OR7C2: variants seen among roughly 807,000 people sequenced by gnomAD.
OR7C2 encodes the protein olfactory receptor 7C2.
For missense variants in OR7C2, 374 were observed against 387.4 expected, an observed-to-expected ratio of 0.97 and a Z score of 0.29; for synonymous variants, 160 against 157.7, an observed-to-expected ratio of 1.01 and a Z score of -0.11.
At position 14,942,364 on chromosome 19, in the gene OR7C2, G is replaced by A. The variant is rs984612879; in HGVS notation, c.876G>A (p.Arg292=). 6 of 1,614,148 alleles carry A rather than the reference G, an allele frequency of 3.7e-6. No homozygotes were observed. Among genetic ancestry groups the A allele is most frequent in the Non-Finnish European group, 5.1e-6 (6 of 1,180,026 alleles). Residue 292 remains arginine, a synonymous_variant, in exon 1 of 1, where the codon AGG becomes AGA. Coordinates refer to ENST00000248072, the MANE Select transcript of OR7C2 (RefSeq NM_012377.1). ...TGAACCCCTTCATCTACAGCCTGAG[G>A]AACAAGGACATGAAGGGGTCACTGG... is the stretch of plus-strand genomic sequence containing the variant. The part of the protein sequence containing the change: ...PMLNPFIYSL[R]NKDMKGSLGR...
In OR7C2 at chr19:14,942,387, T is replaced by C; in HGVS notation, c.899T>C (p.Leu300Pro). The C allele has an allele frequency of 6.2e-7, 1 of 1,614,152 alleles. No homozygotes were observed. The highest frequency in any genetic ancestry group is 8.5e-7 in the Non-Finnish European group (1 of 1,179,990). ...SLRNKDMKGS[L>P]GRLLLRATSL... ...AGGAACAAGGACATGAAGGGGTCACTGGGGAGACTCCTCCTCAGGGCAACG... is the reference window on the plus strand; with the variant it reads ...AGGAACAAGGACATGAAGGGGTCACCGGGGAGACTCCTCCTCAGGGCAACG... Residue 300 changes from leucine (L) to proline (P), a missense_variant, in exon 1 of 1, where the codon CTG becomes CCG. By Grantham distance (98) the Leu-to-Pro change is moderately conservative. Transcript: ENST00000248072.
chr19:14,941,986 G>A lies in OR7C2; in HGVS notation c.498G>A (p.Leu166=), dbSNP rs754059457. The A allele has an allele frequency of 1.9e-6, 3 of 1,614,118 alleles. No individual in the cohort carries two copies. The highest frequency in any genetic ancestry group is 4.5e-5 in the East Asian group (2 of 44,876). The change falls in exon 1 of 1, where the codon CTG becomes CTA. Residue 166 remains leucine (L), a synonymous_variant. Transcript: ENST00000248072. ...TTGAGACCTTGACCATTTTGAGGCT[G>A]TCCTTCTGCACAAATATGGAAATTC... ...SLLETLTILR[L]SFCTNMEIPH...
rs1355425409 is a variant in OR7C2, at chr19:14,942,101, G to C, written c.613G>C (p.Val205Leu). 3 of 1,613,936 alleles carry C rather than the reference G, an allele frequency of 1.9e-6. No individual in the cohort carries two copies. The highest frequency in any genetic ancestry group is 2.5e-6 in the Non-Finnish European group (3 of 1,180,036). ...NNIVMYFVTI[V>L]LGVFPLCGIL... ...CATCGTGATGTATTTTGTGACCATTGTCCTGGGTGTTTTTCCTCTCTGTGG... is the reference window on the plus strand; with the variant it reads ...CATCGTGATGTATTTTGTGACCATTCTCCTGGGTGTTTTTCCTCTCTGTGG... The change falls in exon 1 of 1, where the codon GTC becomes CTC. Residue 205 changes from valine to leucine, a missense_variant. Coordinates refer to ENST00000248072, the MANE Select transcript of OR7C2 (RefSeq NM_012377.1).
Position 14,941,955 on chromosome 19 carries a change from C to T in OR7C2, c.467C>T (p.Ser156Phe), listed in dbSNP as rs867537184. ...LGSWCISVMG[S>F]LLETLTILRL... ...TCCTGGTGCATCAGTGTCATGGGTTCCTTGCTTGAGACCTTGACCATTTTG... is the reference window on the plus strand; with the variant it reads ...TCCTGGTGCATCAGTGTCATGGGTTTCTTGCTTGAGACCTTGACCATTTTG... The change falls in exon 1 of 1, where the codon TCC becomes TTC. Residue 156 changes from serine to phenylalanine, a missense_variant. By Grantham distance (155) the Ser-to-Phe change is radical. Coordinates refer to ENST00000248072, the MANE Select transcript of OR7C2 (RefSeq NM_012377.1). The T allele has an allele frequency of 1.2e-6, 2 of 1,614,068 alleles. No homozygotes were observed. Among genetic ancestry groups the T allele is most frequent in the Admixed American group, 1.7e-5 (1 of 60,000 alleles).
rs2045356232 is a variant in OR7C2 at position 14,942,442 on chromosome 19, C to G, written c.954C>G (p.Leu318=). 1.2e-6 allele frequency: 2 copies of G among 1,607,928 alleles called. No homozygotes were observed. Among genetic ancestry groups the G allele is most frequent in the Non-Finnish European group, 1.7e-6 (2 of 1,177,302 alleles). Residue 318 remains leucine, a synonymous_variant, in exon 1 of 1, where the codon CTC becomes CTG. Transcript: ENST00000248072. ...TSLKEGTIAK[L]S is the part of the protein sequence containing the mutation. ...TCAAAGAGGGGACCATTGCTAAGCTCTCATGAATTGCAGTGAACACAATAC... is the reference window on the plus strand; with the variant it reads ...TCAAAGAGGGGACCATTGCTAAGCTGTCATGAATTGCAGTGAACACAATAC...
At position 14,942,240 on chromosome 19, in the gene OR7C2, A is replaced by C; in HGVS notation, c.752A>C (p.Tyr251Ser). The change falls in exon 1 of 1, where the codon TAT becomes TCT. Residue 251 changes from tyrosine to serine, a missense_variant. Physicochemically the swap from Tyr to Ser is moderately radical, Grantham distance 144. Transcript: ENST00000248072. The part of the protein sequence containing the change: ...GSHLSVVSLF[Y>S]GTGLGVYLSS... ...CACCTCTCAGTGGTCAGCTTGTTCTATGGCACTGGCCTTGGGGTCTATCTC... is the reference window on the plus strand; with the variant it reads ...CACCTCTCAGTGGTCAGCTTGTTCTCTGGCACTGGCCTTGGGGTCTATCTC... 1 of 1,614,050 alleles carries C rather than the reference A, an allele frequency of 6.2e-7. No individual in the cohort carries two copies.
Position 14,941,980 on chromosome 19 carries a change from G to A in OR7C2, c.492G>A (p.Leu164=). The A allele has an allele frequency of 6.2e-7, 1 of 1,614,106 alleles. No homozygotes were observed. The highest frequency in any genetic ancestry group is 8.5e-7 in the Non-Finnish European group (1 of 1,180,028). Residue 164 remains leucine (L), a synonymous_variant, in exon 1 of 1, where the codon TTG becomes TTA. Transcript: ENST00000248072. ...CCTTGCTTGAGACCTTGACCATTTT[G>A]AGGCTGTCCTTCTGCACAAATATGG... ...MGSLLETLTI[L]RLSFCTNMEI...
rs1308016337 is a variant in OR7C2 at position 14,942,078 on chromosome 19, T to A, written c.590T>A (p.Ile197Asn). ...TGTTCTGACACCTTCATCAATAACA[T>A]CGTGATGTATTTTGTGACCATTGTC... is the stretch of plus-strand genomic sequence containing the variant. Reference protein sequence around the residue: ...LACSDTFINNIVMYFVTIVLG... With the variant: ...LACSDTFINNNVMYFVTIVLG... Residue 197 changes from isoleucine (I) to asparagine (N), a missense_variant, in exon 1 of 1, where the codon ATC (isoleucine) becomes AAC (asparagine). Ile to Asn is a moderately radical substitution (Grantham distance 149). Coordinates refer to ENST00000248072, the MANE Select transcript of OR7C2 (RefSeq NM_012377.1). 1 of 1,614,010 alleles carries A rather than the reference T, an allele frequency of 6.2e-7. No homozygotes were observed. Among genetic ancestry groups the A allele is most frequent in the East Asian group, 2.2e-5 (1 of 44,890 alleles).
At position 14,941,614 on chromosome 19, in the gene OR7C2, C is replaced by T; in HGVS notation, c.126C>T (p.Asn42=). 8.1e-6 allele frequency: 13 copies of T among 1,614,112 alleles called. No homozygotes were observed. Among genetic ancestry groups the T allele is most frequent in the Non-Finnish European group, 1.0e-5 (12 of 1,180,022 alleles). Residue 42 remains asparagine (N), a synonymous_variant, in exon 1 of 1, where the codon AAC becomes AAT. Transcript: ENST00000248072. The part of the protein sequence containing the change: ...LSMYLVTIIG[N]LLIILTISSD... ...TGTACCTGGTTACCATCATCGGAAA[C>T]CTGCTCATCATCCTGACCATCAGTT...
In OR7C2 at chr19:14,941,932, C is replaced by T. The variant is rs116715975; in HGVS notation, c.444C>T (p.Ser148=). ...PRLCGLLVLG[S]WCISVMGSLL... ...TCTGTGGACTGCTGGTTCTGGGGTC[C>T]TGGTGCATCAGTGTCATGGGTTCCT... Residue 148 remains serine, a synonymous_variant, in exon 1 of 1, where the codon TCC becomes TCT. Coordinates refer to ENST00000248072, the MANE Select transcript of OR7C2 (RefSeq NM_012377.1). 432 of 1,614,130 alleles carry T rather than the reference C, an allele frequency of 2.7e-4. No homozygotes were observed. In the African/African-American group the frequency reaches 3.3e-3, roughly 12 times the overall value.
At position 14,941,701 on chromosome 19, in the gene OR7C2, C is replaced by G; in HGVS notation, c.213C>G (p.Ile71Met). The G allele has an allele frequency of 6.2e-7, 1 of 1,614,202 alleles. No individual in the cohort carries two copies. The highest frequency in any genetic ancestry group is 8.5e-7 in the Non-Finnish European group (1 of 1,180,052). Reference protein sequence around the residue: ...FFLSNLSFADICFTSTTVPKM... With the variant: ...FFLSNLSFADMCFTSTTVPKM... ...TCTCCAACCTGTCCTTTGCTGACAT[C>G]TGTTTCACATCCACGACTGTCCCAA... is the stretch of plus-strand genomic sequence containing the variant. The change falls in exon 1 of 1, where the codon ATC becomes ATG. Residue 71 changes from isoleucine (I) to methionine (M), a missense_variant. Transcript: ENST00000248072.
chr19:14,942,108 G>C lies in OR7C2; in HGVS notation c.620G>C (p.Gly207Ala), dbSNP rs768258775. ...IVMYFVTIVL[G>A]VFPLCGILFS... ...ATGTATTTTGTGACCATTGTCCTGGGTGTTTTTCCTCTCTGTGGAATCCTA... is the reference window on the plus strand; with the variant it reads ...ATGTATTTTGTGACCATTGTCCTGGCTGTTTTTCCTCTCTGTGGAATCCTA... Residue 207 changes from glycine (G) to alanine (A), a missense_variant, in exon 1 of 1, where the codon GGT (glycine) becomes GCT (alanine). Gly to Ala is a moderately conservative substitution (Grantham distance 60). Transcript: ENST00000248072. 5.0e-6 allele frequency: 8 copies of C among 1,613,958 alleles called. No individual in the cohort carries two copies. The highest frequency in any genetic ancestry group is 6.8e-6 in the Non-Finnish European group (8 of 1,180,036).
At position 14,942,428 on chromosome 19, in the gene OR7C2, A is replaced by G; in HGVS notation, c.940A>G (p.Thr314Ala). ...CAGGGCAACGTCTCTCAAAGAGGGG[A>G]CCATTGCTAAGCTCTCATGAATTGC... ...LLRATSLKEG[T>A]IAKLS is the part of the protein sequence containing the mutation. The change falls in exon 1 of 1, where the codon ACC becomes GCC. Residue 314 changes from threonine to alanine, a missense_variant. Thr to Ala is a moderately conservative substitution (Grantham distance 58). Coordinates refer to ENST00000248072, the MANE Select transcript of OR7C2 (RefSeq NM_012377.1). 6.2e-7 allele frequency: 1 copy of G among 1,612,144 alleles called. No individual in the cohort carries two copies. Among genetic ancestry groups the G allele is most frequent in the Non-Finnish European group, 8.5e-7 (1 of 1,179,072 alleles).
Position 14,942,439 on chromosome 19 carries a change from G to A in OR7C2, c.951G>A (p.Lys317=). 1 of 1,609,444 alleles carries A rather than the reference G, an allele frequency of 6.2e-7. No individual in the cohort carries two copies. Among genetic ancestry groups the A allele is most frequent in the Non-Finnish European group, 8.5e-7 (1 of 1,177,900 alleles). The change falls in exon 1 of 1, where the codon AAG becomes AAA. Residue 317 remains lysine (K), a synonymous_variant. Coordinates refer to ENST00000248072, the MANE Select transcript of OR7C2 (RefSeq NM_012377.1). Reference sequence around the variant, plus strand: ...CTCTCAAAGAGGGGACCATTGCTAAGCTCTCATGAATTGCAGTGAACACAA... The same window carrying A: ...CTCTCAAAGAGGGGACCATTGCTAAACTCTCATGAATTGCAGTGAACACAA... ...ATSLKEGTIA[K]LS is the part of the protein sequence containing the mutation.
Position 14,942,353 on chromosome 19 carries a change from T to A in OR7C2, c.865T>A (p.Tyr289Asn). The change falls in exon 1 of 1, where the codon TAC (tyrosine) becomes AAC (asparagine). Residue 289 changes from tyrosine (Y) to asparagine (N), a missense_variant. Coordinates refer to ENST00000248072, the MANE Select transcript of OR7C2 (RefSeq NM_012377.1). Reference protein sequence around the residue: ...MVTPMLNPFIYSLRNKDMKGS... With the variant: ...MVTPMLNPFINSLRNKDMKGS... ...CACCCCCATGCTGAACCCCTTCATC[T>A]ACAGCCTGAGGAACAAGGACATGAA... 1 of 1,614,162 alleles carries A rather than the reference T, an allele frequency of 6.2e-7. No individual in the cohort carries two copies. The highest frequency in any genetic ancestry group is 8.5e-7 in the Non-Finnish European group (1 of 1,180,024).
At position 14,941,817 on chromosome 19, in the gene OR7C2, T is replaced by C. The variant is rs756290830; in HGVS notation, c.329T>C (p.Leu110Pro). ...QIFFFIAFGC[L>P]DNLLLTMTAY... ...TTTTTTTTCATTGCATTTGGATGCC[T>C]GGACAATTTGCTCCTGACCATGACG... is the stretch of plus-strand genomic sequence containing the variant. The change falls in exon 1 of 1, where the codon CTG becomes CCG. Residue 110 changes from leucine (L) to proline (P), a missense_variant. Physicochemically the swap from Leu to Pro is moderately conservative, Grantham distance 98 (BLOSUM62 -3). Transcript: ENST00000248072. 1 of 1,614,162 alleles carries C rather than the reference T, an allele frequency of 6.2e-7. No homozygotes were observed. Among genetic ancestry groups the C allele is most frequent in the Non-Finnish European group, 8.5e-7 (1 of 1,180,034 alleles).
chr19:14,942,432 T>C lies in OR7C2; in HGVS notation c.944T>C (p.Ile315Thr). The part of the protein sequence containing the change: ...LRATSLKEGT[I>T]AKLS The stretch of plus-strand genomic sequence containing the variant: ...GCAACGTCTCTCAAAGAGGGGACCA[T>C]TGCTAAGCTCTCATGAATTGCAGTG... The change falls in exon 1 of 1, where the codon ATT (isoleucine) becomes ACT (threonine). Residue 315 changes from isoleucine to threonine, a missense_variant. By Grantham distance (89) the Ile-to-Thr change is moderately conservative. Coordinates refer to ENST00000248072, the MANE Select transcript of OR7C2 (RefSeq NM_012377.1). 6.2e-7 allele frequency: 1 copy of C among 1,611,422 alleles called. No individual in the cohort carries two copies. Among genetic ancestry groups the C allele is most frequent in the Non-Finnish European group, 8.5e-7 (1 of 1,178,784 alleles).
rs1244415772 is a variant in OR7C2, at chr19:14,942,023, T to G, written c.535T>G (p.Cys179Gly). The stretch of plus-strand genomic sequence containing the variant: ...AAATATGGAAATTCCGCACTTTTTT[T>G]GTGATCCTTCCGAAGTCCTGAAGCT... ...CTNMEIPHFF[C>G]DPSEVLKLAC... Residue 179 changes from cysteine (C) to glycine (G), a missense_variant, in exon 1 of 1, where the codon TGT (cysteine) becomes GGT (glycine). Transcript: ENST00000248072. 1.9e-6 allele frequency: 3 copies of G among 1,614,092 alleles called. No individual in the cohort carries two copies. Among genetic ancestry groups the G allele is most frequent in the South Asian group, 1.1e-5 (1 of 91,080 alleles).
rs138526680 is a variant in OR7C2 at position 14,941,590 on chromosome 19, G to C, written c.102G>C (p.Met34Ile). ...QLLLHGLFLSMYLVTIIGNLL... is the reference protein window; with the variant it reads ...QLLLHGLFLSIYLVTIIGNLL... ...TCCTCCATGGGCTGTTCCTCTCCAT[G>C]TACCTGGTTACCATCATCGGAAACC... The change falls in exon 1 of 1, where the codon ATG becomes ATC. Residue 34 changes from methionine to isoleucine, a missense_variant. Physicochemically the swap from Met to Ile is conservative, Grantham distance 10 (BLOSUM62 1). Transcript: ENST00000248072. 4.2e-5 allele frequency: 67 copies of C among 1,613,914 alleles called. No homozygotes were observed. The African/African-American group carries it at 8.1e-4, about 20-fold the overall frequency.
Sources: gnomAD v4.1 joint callset for allele counts on GRCh38, gnomAD v4.1.1 for gene constraint, MANE v1.5 for transcripts, NCBI Gene and HGNC (gene_info 2026-07-23, HGNC 2026-07-21) for gene names.